WDR27: variants seen among roughly 807,000 people sequenced by gnomAD.
WDR27 encodes WD repeat-containing protein 27.
In WDR27, 100 loss-of-function variants were observed where a neutral mutation model predicts 114.4. The ratio of observed to expected loss-of-function variants is 0.87; its 90% CI spans 0.74 to 1.03. The LOEUF is 1.03. Among genes scored for constraint, WDR27 ranks in the 50% least tolerant of loss-of-function variants. The probability of loss-of-function intolerance (pLI) is 0.00; values close to 1 mark genes in which losing one functional copy is unlikely to be tolerated. For missense variants in WDR27, 1,129 were observed against 1,092.9 expected (o/e 1.03, Z -0.47); for synonymous variants, 449 against 423.1 (o/e 1.06, Z -0.75).
At chr6:169,445,734 G>T in the WDR27 span, among the ~76,000 whole-genome samples, 1 of 152,226 alleles carries the variant, frequency 6.6e-6, no homozygotes, top group Non-Finnish European at 1.5e-5. Flanking sequence ...CTGCACCTGC[G>T]CTCTGCAGTC....
intron 17 of WDR27, among the ~76,000 whole-genome samples, chr6:169,640,296 C>T (rs148219456): frequency 3.7e-4 from 57 of 152,354 alleles, no homozygotes; most frequent in African/African-American, 1.3e-3. Flanking sequence ...AATCTCACTA[C>T]ATCACATCTG....
chr6:169,665,762 T>C (rs1268479245), intron 6 of WDR27, among the ~76,000 whole-genome samples: 1 of 143,006 alleles, frequency 7.0e-6, no homozygotes, highest in African/African-American at 2.5e-5. Context: ...ATAAACACAA[T>C]GAAGGCTGGG....
rs372725546 is a variant in WDR27 at position 169,658,650 on chromosome 6, C to T, written c.1320-292G>A. Among the ~76,000 whole-genome samples, 38 of 151,674 alleles carry T rather than the reference C, an allele frequency of 2.5e-4. No individual in the cohort carries two copies. In the South Asian group the frequency reaches 5.0e-3, roughly 20 times the overall value. On this transcript the variant is annotated intron_variant, in intron 12 of 25. Coordinates refer to ENST00000448612, the MANE Select transcript of WDR27 (RefSeq NM_182552.5). Reference sequence around the variant, plus strand: ...AGATAGAAGCAACAGCACGAAAAACCTTCTTCCAAATAGCATTGGCAGAGC... The same window carrying T: ...AGATAGAAGCAACAGCACGAAAAACTTTCTTCCAAATAGCATTGGCAGAGC...
At chr6:169,640,839 G>A (rs1396348413) in intron 17 of WDR27, among the ~76,000 whole-genome samples, 3 of 152,252 alleles carry the variant, frequency 2.0e-5, no homozygotes, top group Non-Finnish European at 4.4e-5. Context: ...AAGAGGCCGC[G>A]AGAGGTCGCA....
chr6:169,507,344 C>A (rs1792133310), intron 25 of WDR27, among the ~76,000 whole-genome samples: 1 of 152,172 alleles, frequency 6.6e-6, no homozygotes, highest in Admixed American at 6.5e-5. Context: ...AACATCAATT[C>A]ACTTGCAGGT....
chr6:169,492,114 A>T (rs901363808), intron 25 of WDR27, among the ~76,000 whole-genome samples: 1 of 152,138 alleles, frequency 6.6e-6, no homozygotes, highest in African/African-American at 2.4e-5. Flanking sequence ...ATAGTCTGCA[A>T]AGAGATGAAT....
chr6:169,628,000 A>G (rs2128209347), intron 21 of WDR27, among the ~76,000 whole-genome samples: 1 of 152,250 alleles, frequency 6.6e-6, no homozygotes, highest in East Asian at 1.9e-4. Flanking sequence ...GCAAGCACCT[A>G]GGGGTGACTC....
the WDR27 span, among the ~76,000 whole-genome samples, chr6:169,439,671 T>C: frequency 6.6e-6 from 1 of 152,104 alleles, no homozygotes; most frequent in Non-Finnish European, 1.5e-5. Context: ...GTTTTCCATA[T>C]TTAAGAAAAC....
At chr6:169,491,100 T>C (rs1234615598) in intron 25 of WDR27, among the ~76,000 whole-genome samples, 1 of 152,206 alleles carries the variant, frequency 6.6e-6, no homozygotes, top group Non-Finnish European at 1.5e-5. Flanking sequence ...AGAGAAAAGA[T>C]ACTAAAGAGT....
intron 25 of WDR27, among the ~76,000 whole-genome samples, chr6:169,547,923 A>C (rs1246064863): frequency 6.6e-6 from 1 of 152,158 alleles, no homozygotes; most frequent in Non-Finnish European, 1.5e-5. Context: ...ACCAAAAAAA[A>C]AAAACCTTCT....
intron 23 of WDR27, among the ~76,000 whole-genome samples, chr6:169,584,984 A>AT (rs1368623308): frequency 6.6e-6 from 1 of 152,232 alleles, no homozygotes; most frequent in Non-Finnish European, 1.5e-5. Context: ...TAGACAGAGT[A>AT]TAGAGCTCAG....
intron 16 of WDR27, among the ~76,000 whole-genome samples, chr6:169,645,179 T>C (rs1011483380): frequency 5.3e-5 from 8 of 151,242 alleles, no homozygotes; most frequent in African/African-American, 1.9e-4. Flanking sequence ...GGAGTCACAC[T>C]GTAGAAAAGC....
chr6:169,645,261 A>T (rs1820368794), intron 16 of WDR27, among the ~76,000 whole-genome samples: 1 of 151,474 alleles, frequency 6.6e-6, no homozygotes. Flanking sequence ...CCTAGTTCGT[A>T]TGAGTCTCAC....
At chr6:169,683,558 A>C (rs1414711626) in intron 2 of WDR27, among the ~76,000 whole-genome samples, 1 of 152,134 alleles carries the variant, frequency 6.6e-6, no homozygotes, top group Non-Finnish European at 1.5e-5. Context: ...AATAAATAAA[A>C]AGCTAAGATT....
intron 10 of WDR27, among the ~76,000 whole-genome samples, chr6:169,660,390 C>G (rs1000963152): frequency 1.3e-5 from 2 of 152,232 alleles, no homozygotes; most frequent in East Asian, 3.9e-4. Flanking sequence ...TTCCACGCTG[C>G]TGGGGCCCGG....
chr6:169,564,919 G>A (rs1473972101), intron 25 of WDR27, among the ~76,000 whole-genome samples: 2 of 152,332 alleles, frequency 1.3e-5, no homozygotes, highest in South Asian at 2.1e-4. Context: ...GACCCCACAC[G>A]CAACCACAGG....
intron 24 of WDR27, among the ~76,000 whole-genome samples, chr6:169,581,308 CACT>C (rs1803379418): frequency 1.3e-5 from 2 of 152,058 alleles, no homozygotes; most frequent in Non-Finnish European, 2.9e-5. Flanking sequence ...CCCCATAAAT[CACT>C]ACACCTCTCC....
intron 25 of WDR27, among the ~76,000 whole-genome samples, chr6:169,461,326 G>A (rs1784880752): frequency 6.6e-6 from 1 of 152,048 alleles, no homozygotes; most frequent in Non-Finnish European, 1.5e-5. Context: ...CTTCTCAAGT[G>A]CACATGGGAC....
intron 13 of WDR27, among the ~76,000 whole-genome samples, chr6:169,655,522 G>A (rs13362807): frequency 0.13 from 19,125 of 152,236 alleles, 1,308 homozygotes; most frequent in African/African-American, 0.16. Context: ...TCACAGACAC[G>A]AAGTGAAAAA....
Sources: allele counts gnomAD v4.1 joint callset (sites outside exome capture counted in the v4.1 genomes callset), GRCh38; gene constraint gnomAD v4.1.1; transcripts MANE v1.5; gene names NCBI Gene and HGNC (gene_info 2026-07-23, HGNC 2026-07-21).